The following SIPA1L1 variants were observed in gnomAD, a reference collection of about 807,000 sequenced individuals.
The protein encoded by SIPA1L1 is signal-induced proliferation-associated 1-like protein 1.
In SIPA1L1, 26 loss-of-function variants were observed where a neutral mutation model predicts 162.7. The observed-to-expected ratio is 0.16, with a 90% confidence interval of 0.12 to 0.22. The LOEUF is 0.22. SIPA1L1 is among the 10% of genes least tolerant of loss of function. The probability of loss-of-function intolerance (pLI) is 1.00; values close to 1 mark genes in which losing one functional copy is unlikely to be tolerated. For synonymous variants in SIPA1L1, 829 were observed against 837.4 expected (o/e 0.99, Z 0.17); for missense variants, 1,874 against 2,241.0 (o/e 0.84, Z 3.31).
At chr14:71,730,387 G>A in intron 20 of SIPA1L1, 86 bp downstream of exon 20, 1 of 1,474,020 alleles carries the variant, frequency 6.8e-7, no homozygotes, top group Non-Finnish European at 9.3e-7. Context: ...TGTGCTCAGA[G>A]AGGGGTCCTG....
chr14:71,430,742 A>G (rs948930380), intron 2 of SIPA1L1, among the ~76,000 whole-genome samples: 1 of 152,198 alleles, frequency 6.6e-6, no homozygotes, highest in African/African-American at 2.4e-5. Flanking sequence ...TTGAGAAACC[A>G]CAGGGGCAGC....
At chr14:71,464,641 A>G (rs930078110) in intron 2 of SIPA1L1, among the ~76,000 whole-genome samples, 2 of 150,758 alleles carry the variant, frequency 1.3e-5, no homozygotes, top group African/African-American at 5.0e-5. Context: ...ACTCCATCTC[A>G]AAAAACAAAA....
intron 2 of SIPA1L1, among the ~76,000 whole-genome samples, chr14:71,415,789 C>A (rs1442986840): frequency 6.6e-6 from 1 of 152,092 alleles, no homozygotes; most frequent in African/African-American, 2.4e-5. Context: ...CCTCTAACTC[C>A]CAGGTTCAAG....
At chr14:71,602,322 T>C (rs970282935) in intron 5 of SIPA1L1, among the ~76,000 whole-genome samples, 2 of 152,196 alleles carry the variant, frequency 1.3e-5, no homozygotes, top group East Asian at 3.8e-4. Context: ...GACCCAGTGG[T>C]CATTCAGGAG....
intron 2 of SIPA1L1, among the ~76,000 whole-genome samples, chr14:71,483,971 GGTTGCT>G (rs1285298506): frequency 6.6e-6 from 1 of 152,194 alleles, no homozygotes; most frequent in East Asian, 1.9e-4. Context: ...TCGCCTCTTT[GGTTGCT>G]CATGTCTGTA....
At position 71,377,465 on chromosome 14, in the gene SIPA1L1, C is replaced by G. The variant is rs961190335; in HGVS notation, c.-465+56284C>G. 1.8e-4 allele frequency among the ~76,000 whole-genome samples: 28 copies of G among 151,536 alleles called. No individual in the cohort carries two copies. Among genetic ancestry groups the G allele is most frequent in the Admixed American group, 3.9e-4 (6 of 15,260 alleles). On this transcript the variant is annotated intron_variant, in intron 2 of 23. Coordinates refer to ENST00000381232, the MANE Select transcript of SIPA1L1 (RefSeq NM_001386936.1). The surrounding 1 kb of genome is among the most constrained non-coding windows in gnomAD (Gnocchi z 4.8). ...CTCCTCACTTCCCAGACTGGGCGGC[C>G]AGGCAGAGACGCTCCTCACTTCCCA...
At chr14:71,687,338 C>T (rs1169952594) in intron 13 of SIPA1L1, among the ~76,000 whole-genome samples, 2 of 152,188 alleles carry the variant, frequency 1.3e-5, no homozygotes, top group South Asian at 4.1e-4. Context: ...ACATTCCAGA[C>T]TTGGCTGCCT....
chr14:71,711,986 A>G (rs941822580), intron 17 of SIPA1L1, among the ~76,000 whole-genome samples: 1 of 152,224 alleles, frequency 6.6e-6, no homozygotes, highest in African/African-American at 2.4e-5. Flanking sequence ...TGAGTTGGAT[A>G]ATCAGAGCTT....
rs1012940761 is a variant in SIPA1L1 at position 71,740,459 on chromosome 14, C to A, written c.*1298C>A. 9.2e-5 allele frequency: 14 copies of A among 152,170 alleles called. No homozygotes were observed. The highest frequency in any genetic ancestry group is 3.4e-4 in the African/African-American group (14 of 41,414). 9.4% of individuals were successfully genotyped at this position (152,170 alleles called of 1,614,324 possible). On this transcript the variant is annotated 3_prime_UTR_variant, in exon 24 of 24. Coordinates refer to ENST00000381232, the MANE Select transcript of SIPA1L1 (RefSeq NM_001386936.1). ...CAGTGTTGACTGACCTGAGGAGACC[C>A]CTTTGTTTGTTGCCTTCATAACTGT... is the stretch of plus-strand genomic sequence containing the variant.
intron 2 of SIPA1L1, among the ~76,000 whole-genome samples, chr14:71,334,762 A>G (rs2034911929): frequency 6.6e-6 from 1 of 152,128 alleles, no homozygotes. Context: ...GAAAACTTAT[A>G]TATTCTAGTT....
chr14:71,587,144 T>C (rs2034714246), intron 4 of SIPA1L1, among the ~76,000 whole-genome samples: 1 of 152,200 alleles, frequency 6.6e-6, no homozygotes, highest in Admixed American at 6.5e-5. Context: ...GTTTTTACTT[T>C]TGTCAAAAAA....
At position 71,741,126 on chromosome 14, in the gene SIPA1L1, TC is replaced by T. The variant is rs891034516; in HGVS notation, c.*1966del. 9.2e-5 allele frequency: 14 copies of T among 152,356 alleles called. No homozygotes were observed. Among genetic ancestry groups the T allele is most frequent in the African/African-American group, 3.4e-4 (14 of 41,580 alleles). The allele number at this position is 152,356 out of a possible 1,614,324, so 9.4% of individuals were successfully genotyped here. A position where few individuals can be genotyped will look rare whatever the true frequency, so the allele number is the denominator to read the frequency against. ...TGACCCTCCTTGCATCCGAATTTTT[TC>T]ATCAAGCTTTGTTAACACTAATGAT... On this transcript the variant is annotated 3_prime_UTR_variant, in exon 24 of 24. Coordinates refer to ENST00000381232, the MANE Select transcript of SIPA1L1 (RefSeq NM_001386936.1).
chr14:71,631,684 A>G (rs926524218), intron 7 of SIPA1L1, among the ~76,000 whole-genome samples: 1 of 152,230 alleles, frequency 6.6e-6, no homozygotes, highest in African/African-American at 2.4e-5. Context: ...ACTTATATAT[A>G]AATAATTTTG....
chr14:71,338,786 C>A (rs1416757731), intron 2 of SIPA1L1, among the ~76,000 whole-genome samples: 3 of 152,068 alleles, frequency 2.0e-5, no homozygotes, highest in South Asian at 4.1e-4. Context: ...GTTGCCTAGG[C>A]TGGAGTGCAA....
chr14:71,620,133 G>A (rs749121780), intron 6 of SIPA1L1, among the ~76,000 whole-genome samples: 15 of 152,202 alleles, frequency 9.9e-5, no homozygotes, highest in Non-Finnish European at 1.8e-4. Flanking sequence ...GCAATGGCGC[G>A]ATCTTGGCTC....
intron 2 of SIPA1L1, among the ~76,000 whole-genome samples, chr14:71,381,575 C>T (rs1422429794): frequency 6.6e-6 from 1 of 152,184 alleles, no homozygotes; most frequent in Non-Finnish European, 1.5e-5. Flanking sequence ...AGCTTTAGCA[C>T]TTGAAAAATC....
chr14:71,583,470 T>C (rs1373396061), intron 4 of SIPA1L1, among the ~76,000 whole-genome samples: 1 of 152,188 alleles, frequency 6.6e-6, no homozygotes, highest in Non-Finnish European at 1.5e-5. Context: ...AAGTATTTTA[T>C]GAGGAACGCT....
intron 19 of SIPA1L1, among the ~76,000 whole-genome samples, chr14:71,728,768 C>G (rs980553022): frequency 2.0e-5 from 3 of 152,244 alleles, no homozygotes; most frequent in African/African-American, 7.2e-5. Flanking sequence ...ATCATTTTCC[C>G]TATCGAGGCA....
chr14:71,413,058 G>C (rs189339968), intron 2 of SIPA1L1, among the ~76,000 whole-genome samples: 1 of 152,242 alleles, frequency 6.6e-6, no homozygotes, highest in African/African-American at 2.4e-5. Flanking sequence ...CTTTAGGCAG[G>C]ATAATTCTTT....
Sources: gnomAD v4.1 joint callset for allele counts (sites outside exome capture counted in the v4.1 genomes callset) on GRCh38, gnomAD v4.1.1 for gene constraint, Gnocchi (gnomAD v3.1) non-coding constraint, MANE v1.5 for transcripts, NCBI Gene and HGNC (gene_info 2026-07-23, HGNC 2026-07-21) for gene names.